The following PAWR variants were observed in gnomAD, a reference collection of about 807,000 sequenced individuals.
The protein encoded by PAWR is PRKC apoptosis WT1 regulator protein.
A neutral mutation model predicts 32.0 loss-of-function variants in PAWR; 23 were observed. The ratio of observed to expected loss-of-function variants is 0.72; its 90% CI spans 0.52 to 1.02. The LOEUF (loss-of-function observed/expected upper bound fraction) is 1.02, where lower values mean the gene tolerates loss of function less well. PAWR is among the 50% of genes least tolerant of loss of function. The pLI is 0.00. For missense variants in PAWR, 457 were observed against 437.7 expected (o/e 1.04, Z -0.39); for synonymous variants, 226 against 187.1 (o/e 1.21, Z -1.70).
intron 2 of PAWR, among the ~76,000 whole-genome samples, chr12:79,685,535 T>C (rs1592560263): frequency 6.6e-6 from 1 of 152,208 alleles, no homozygotes; most frequent in Non-Finnish European, 1.5e-5. Flanking sequence ...GAGTTCAAAC[T>C]ATGGAGTAGG....
chr12:79,623,030 A>C (rs1875100319), intron 2 of PAWR, among the ~76,000 whole-genome samples: 1 of 152,214 alleles, frequency 6.6e-6, no homozygotes, highest in East Asian at 1.9e-4. Flanking sequence ...CCTTGGGATA[A>C]GGAATGATCA....
rs1467209214 is a variant in PAWR at position 79,594,314 on chromosome 12, T to C, written c.936+15A>G. On this transcript the variant is annotated intron_variant, in intron 6 of 6. Coordinates refer to ENST00000328827, the MANE Select transcript of PAWR (RefSeq NM_002583.4). ...AAAAAACCCCTCCAAACCTGAAATA[T>C]GGTGAAATACTTACTCTATTTAATA... 2.7e-6 allele frequency: 3 copies of C among 1,128,288 alleles called. No individual in the cohort carries two copies. In the South Asian group the frequency reaches 4.4e-5, roughly 16 times the overall value. 69.9% of individuals were successfully genotyped at this position (1,128,288 alleles called of 1,614,324 possible).
At chr12:79,652,645 A>T (rs946530122) in intron 2 of PAWR, among the ~76,000 whole-genome samples, 10 of 152,360 alleles carry the variant, frequency 6.6e-5, no homozygotes, top group African/African-American at 1.4e-4. Context: ...AAATGTATTT[A>T]AAAAGAATGC....
Position 79,587,977 on chromosome 12 carries a change from T to A in PAWR, c.*4630A>T. ...TTTTTCCACAAATATTTGGATTACCTGAATTAGCTGATTCTTCAGCAAAAG... is the reference window on the plus strand; with the variant it reads ...TTTTTCCACAAATATTTGGATTACCAGAATTAGCTGATTCTTCAGCAAAAG... On this transcript the variant is annotated 3_prime_UTR_variant, in exon 7 of 7. Transcript: ENST00000328827. 1 of 152,076 alleles carries A rather than the reference T, an allele frequency of 6.6e-6. No individual in the cohort carries two copies. Among genetic ancestry groups the A allele is most frequent in the East Asian group, 1.9e-4 (1 of 5,206 alleles). The allele number at this position is 152,076 out of a possible 1,614,324, so 9.4% of individuals were successfully genotyped here. A position where few individuals can be genotyped will look rare whatever the true frequency, so the allele number is the denominator to read the frequency against.
chr12:79,679,888 T>C (rs999022205), intron 2 of PAWR, among the ~76,000 whole-genome samples: 6 of 152,222 alleles, frequency 3.9e-5, no homozygotes, highest in African/African-American at 1.2e-4. Flanking sequence ...CTACCACTAT[T>C]GCCCTAGCGA....
intron 2 of PAWR, among the ~76,000 whole-genome samples, chr12:79,668,909 G>A (rs1877748735): frequency 6.6e-6 from 1 of 152,168 alleles, no homozygotes; most frequent in Non-Finnish European, 1.5e-5. Context: ...CCTATTGGAA[G>A]GAAATACTCT....
chr12:79,670,466 A>G (rs967826035), intron 2 of PAWR, among the ~76,000 whole-genome samples: 16 of 121,218 alleles, frequency 1.3e-4, no homozygotes, highest in African/African-American at 9.0e-4. Context: ...TTTCTTGGGG[A>G]AAAAAAAAAT....
intron 2 of PAWR, among the ~76,000 whole-genome samples, chr12:79,625,712 C>G (rs963813876): frequency 6.6e-6 from 1 of 151,816 alleles, no homozygotes; most frequent in African/African-American, 2.4e-5. Flanking sequence ...CCCAGCTACT[C>G]GGGAGGCTAA....
rs1873489059 is a variant in PAWR, at chr12:79,589,622, C to T, written c.*2985G>A. Reference sequence around the variant, plus strand: ...CACACCCAAAAGCCCTTCCCTCCTTCTCTAATGGTAACTGTTGTATAATAA... The same window carrying T: ...CACACCCAAAAGCCCTTCCCTCCTTTTCTAATGGTAACTGTTGTATAATAA... On this transcript the variant is annotated 3_prime_UTR_variant, in exon 7 of 7. Coordinates refer to ENST00000328827, the MANE Select transcript of PAWR (RefSeq NM_002583.4). 1 of 152,096 alleles carries T rather than the reference C, an allele frequency of 6.6e-6. No individual in the cohort carries two copies. Among genetic ancestry groups the T allele is most frequent in the Admixed American group, 6.5e-5 (1 of 15,274 alleles). The allele number at this position is 152,096 out of a possible 1,614,324, so 9.4% of individuals were successfully genotyped here.
intron 2 of PAWR, among the ~76,000 whole-genome samples, chr12:79,647,385 C>A (rs1197082467): frequency 2.0e-5 from 3 of 151,918 alleles, no homozygotes; most frequent in Admixed American, 2.0e-4. Context: ...AAATTAGGGG[C>A]AAGTTTTTTG....
chr12:79,669,601 G>T (rs1316314711), intron 2 of PAWR, among the ~76,000 whole-genome samples: 1 of 152,014 alleles, frequency 6.6e-6, no homozygotes, highest in Non-Finnish European at 1.5e-5. Flanking sequence ...ACTTAGTTGA[G>T]TAATTCTCAA....
intron 3 of PAWR, among the ~76,000 whole-genome samples, chr12:79,615,996 G>A (rs1024653339): frequency 6.7e-6 from 1 of 148,816 alleles, no homozygotes; most frequent in African/African-American, 2.5e-5. Flanking sequence ...GGCAGAGGTT[G>A]CAGTGAGCTG....
At chr12:79,671,359 A>T (rs1179122540) in intron 2 of PAWR, among the ~76,000 whole-genome samples, 3 of 152,208 alleles carry the variant, frequency 2.0e-5, no homozygotes, top group Non-Finnish European at 4.4e-5. Context: ...TTTAATCAAA[A>T]CAGGAAAGGT....
intron 2 of PAWR, among the ~76,000 whole-genome samples, chr12:79,636,528 G>A (rs1875969644): frequency 6.6e-6 from 1 of 152,054 alleles, no homozygotes; most frequent in South Asian, 2.1e-4. Flanking sequence ...CATAAGAACT[G>A]TTCAAATTAA....
chr12:79,604,412 T>C (rs1874087626), intron 4 of PAWR: 2 of 1,025,688 alleles, frequency 1.9e-6, no homozygotes, highest in Non-Finnish European at 2.3e-6. Context: ...AATTACACTA[T>C]TATTCTAAAA....
At chr12:79,629,297 G>A (rs1330676396) in intron 2 of PAWR, among the ~76,000 whole-genome samples, 2 of 151,882 alleles carry the variant, frequency 1.3e-5, no homozygotes, top group Non-Finnish European at 2.9e-5. Flanking sequence ...GTGAAAGGAC[G>A]AAAAAAGATG....
chr12:79,658,535 C>T (rs1877200321), intron 2 of PAWR, among the ~76,000 whole-genome samples: 1 of 152,110 alleles, frequency 6.6e-6, no homozygotes, highest in Non-Finnish European at 1.5e-5. Context: ...CATCAGTACA[C>T]ATAAGAATTT....
intron 3 of PAWR, among the ~76,000 whole-genome samples, chr12:79,616,884 G>A (rs914224677): frequency 2.0e-5 from 3 of 152,134 alleles, no homozygotes; most frequent in Admixed American, 2.0e-4. Flanking sequence ...CCATGCTCAT[G>A]TCTGAGACAT....
Position 79,592,655 on chromosome 12 carries a change from CT to C in PAWR, c.974del (p.Lys325SerfsTer8). 1 of 767,624 alleles carries C rather than the reference CT, an allele frequency of 1.3e-6. No homozygotes were observed. The allele number at this position is 767,624 out of a possible 1,614,324, so 47.6% of individuals were successfully genotyped here. A position where few individuals can be genotyped will look rare whatever the true frequency, so the allele number is the denominator to read the frequency against. On this transcript the variant is annotated frameshift_variant, in exon 7 of 7. Transcript: ENST00000328827. LOFTEE classifies it high-confidence loss of function. ...DDIEDENEQL[K>X]QENKTLLKVV... ...CTTTCAAAAGAGTTTTATTTTCCTG[CT>C]TTAGCTGTTCATTTTCATCTTCTAT... is the stretch of plus-strand genomic sequence containing the variant.
Sources: gnomAD v4.1 joint callset for allele counts (sites outside exome capture counted in the v4.1 genomes callset) on GRCh38, gnomAD v4.1.1 for gene constraint, MANE v1.5 for transcripts, NCBI Gene and HGNC (gene_info 2026-07-23, HGNC 2026-07-21) for gene names.